SS18: variants seen among roughly 807,000 people sequenced by gnomAD.
SS18 encodes SS18 subunit of BAF chromatin remodeling complex, also known as protein SSXT.
In SS18, 28 loss-of-function variants were observed where a neutral mutation model predicts 72.5. The observed-to-expected ratio is 0.39, with a 90% confidence interval of 0.29 to 0.53. The LOEUF is 0.53. SS18 is among the 20% of genes least tolerant of loss of function. SS18 has a pLI of 0.76. For synonymous variants in SS18, 172 were observed against 164.2 expected, an observed-to-expected ratio of 1.05 and a Z score of -0.37; for missense variants, 518 against 535.3, an observed-to-expected ratio of 0.97 and a Z score of 0.32.
intron 4 of SS18, among the ~76,000 whole-genome samples, chr18:26,055,221 CT>C (rs2053995284): frequency 2.6e-5 from 4 of 151,900 alleles, no homozygotes; most frequent in Admixed American, 2.6e-4. Context: ...AATCCCAGCA[CT>C]TTGGGAGGCT....
At chr18:26,063,215 TGGAATTAAATTAGAAATCAGTAGGCC>T (rs1321454191) in intron 3 of SS18, among the ~76,000 whole-genome samples, 3 of 152,016 alleles carry the variant, frequency 2.0e-5, no homozygotes, top group African/African-American at 7.3e-5. Flanking sequence ...CCGGGCACAG[TGGAATTAAATTAGAAATCAGTAGGCC>T]GGGTGCGGTG....
intron 5 of SS18, among the ~76,000 whole-genome samples, chr18:26,050,428 T>C (rs1171126224): frequency 6.6e-6 from 1 of 152,062 alleles, no homozygotes; most frequent in African/African-American, 2.4e-5. Flanking sequence ...GAAAATGTTT[T>C]ATAATGAAAT....
At chr18:26,019,481 CCATA>C (rs2053306315) in intron 10 of SS18, among the ~76,000 whole-genome samples, 1 of 151,916 alleles carries the variant, frequency 6.6e-6, no homozygotes, top group South Asian at 2.1e-4. Flanking sequence ...TTGAATGTCA[CCATA>C]TATATGATGG....
chr18:26,062,003 G>A (rs893660458), intron 3 of SS18, among the ~76,000 whole-genome samples: 6 of 152,198 alleles, frequency 3.9e-5, no homozygotes, highest in Non-Finnish European at 8.8e-5. Context: ...GGTCATGCCT[G>A]TAATCCTAGC....
chr18:26,060,356 G>C (rs2054097313), intron 3 of SS18, among the ~76,000 whole-genome samples: 1 of 152,182 alleles, frequency 6.6e-6, no homozygotes, highest in Non-Finnish European at 1.5e-5. Flanking sequence ...AATTCAGAGA[G>C]ACAGAAAGTA....
chr18:26,055,023 G>C (rs919200445), intron 4 of SS18, among the ~76,000 whole-genome samples: 1 of 152,018 alleles, frequency 6.6e-6, no homozygotes, highest in Non-Finnish European at 1.5e-5. Context: ...ACAGGCTTGA[G>C]CCACCATGCC....
chr18:26,038,204 T>C (rs943803006), intron 7 of SS18, among the ~76,000 whole-genome samples: 3 of 152,168 alleles, frequency 2.0e-5, no homozygotes, highest in Admixed American at 1.3e-4. Context: ...GTGAACTTTA[T>C]GGCAGGTGAA....
At chr18:26,074,754 A>G (rs1456444279) in intron 3 of SS18, among the ~76,000 whole-genome samples, 2 of 151,958 alleles carry the variant, frequency 1.3e-5, no homozygotes, top group Non-Finnish European at 2.9e-5. Flanking sequence ...CAGGGTTCTG[A>G]GACCAAAAGG....
At chr18:26,028,385 A>C (rs527619052) in intron 10 of SS18, among the ~76,000 whole-genome samples, 1 of 152,242 alleles carries the variant, frequency 6.6e-6, no homozygotes, top group African/African-American at 2.4e-5. Flanking sequence ...ACAATGGTAC[A>C]ACTACTTCGG....
At chr18:26,066,731 A>AT (rs958261231) in intron 3 of SS18, among the ~76,000 whole-genome samples, 1 of 151,968 alleles carries the variant, frequency 6.6e-6, no homozygotes, top group East Asian at 1.9e-4. Context: ...AGTAAACATG[A>AT]TTTTTTTTCC....
chr18:26,068,436 A>G (rs1418423032), intron 3 of SS18: 1 of 152,212 alleles, frequency 6.6e-6, no homozygotes, highest in Non-Finnish European at 1.5e-5. Context: ...TTGGTGTTCT[A>G]ACCATAACAA....
intron 5 of SS18, among the ~76,000 whole-genome samples, chr18:26,047,259 CAAAAAAAAAAA>C (rs71169806): frequency 7.9e-5 from 6 of 75,744 alleles, no homozygotes; most frequent in African/African-American, 1.7e-4. Flanking sequence ...AGTAATATGC[CAAAAAAAAAAA>C]AAAAAAAAAA....
At chr18:26,031,131 T>C (rs1163225739) in intron 10 of SS18, among the ~76,000 whole-genome samples, 1 of 152,264 alleles carries the variant, frequency 6.6e-6, no homozygotes, top group South Asian at 2.1e-4. Flanking sequence ...AAATTTTATC[T>C]GCTCAGGAAT....
intron 2 of SS18, 64 bp from the exon 3 acceptor site, chr18:26,078,224 A>C: frequency 1.8e-6 from 2 of 1,135,444 alleles, no homozygotes; most frequent in Non-Finnish European, 2.6e-6. Flanking sequence ...CTAAGTACAA[A>C]CAGCACTATA....
At chr18:26,081,004 A>G (rs2054509114) in intron 2 of SS18, among the ~76,000 whole-genome samples, 1 of 144,368 alleles carries the variant, frequency 6.9e-6, no homozygotes, top group South Asian at 2.1e-4. Flanking sequence ...CCTCCAAATC[A>G]TTTTCCCTCG....
At position 26,057,738 on chromosome 18, in the gene SS18, G is replaced by A. The variant is rs553873019; in HGVS notation, c.236C>T (p.Pro79Leu). 1.9e-6 allele frequency: 3 copies of A among 1,599,724 alleles called. No homozygotes were observed. The highest frequency in any genetic ancestry group is 1.1e-5 in the South Asian group (1 of 89,776). ...QNMQSLLPAP[P>L]TQNMPMGPGG... is the part of the protein sequence containing the mutation. ...AGGACCCATAGGCATATTCTGTGTG[G>A]GTGGCTGAAAGAAGACAGTTTAGTA... The change falls in exon 4 of 11, where the codon CCC (proline) becomes CTC (leucine). Residue 79 changes from proline (P) to leucine (L), a missense_variant. Transcript: ENST00000415083.
At chr18:26,072,458 T>C (rs2054328535) in intron 3 of SS18, among the ~76,000 whole-genome samples, 1 of 152,114 alleles carries the variant, frequency 6.6e-6, no homozygotes, top group African/African-American at 2.4e-5. Context: ...GAAAGCTTAT[T>C]TAGCTATGCT....
intron 10 of SS18, among the ~76,000 whole-genome samples, chr18:26,027,896 G>A (rs547717954): frequency 5.3e-5 from 8 of 151,846 alleles, no homozygotes; most frequent in Non-Finnish European, 1.2e-4. Flanking sequence ...CCTTCAGTTA[G>A]GTAAAGATTT....
In SS18 at chr18:26,032,416, G is replaced by T; in HGVS notation, c.1213C>A (p.Pro405Thr). 1.2e-6 allele frequency: 2 copies of T among 1,613,830 alleles called. No homozygotes were observed. The highest frequency in any genetic ancestry group is 1.3e-5 in the African/African-American group (1 of 75,022). Residue 405 changes from proline (P) to threonine (T), a missense_variant, in exon 10 of 11, where the codon CCT becomes ACT. Physicochemically the swap from Pro to Thr is conservative, Grantham distance 38. Transcript: ENST00000415083. ...PGPPQPPQQR[P>T]YGYDQGQYGN... ...CTACTTACCTGGTCATATCCATAAG[G>T]CCTCTGCTGGGGTGGCTGTGGTGGT...
Sources: gnomAD v4.1 joint callset for allele counts (sites outside exome capture counted in the v4.1 genomes callset) on GRCh38, gnomAD v4.1.1 for gene constraint, MANE v1.5 for transcripts, NCBI Gene and HGNC (gene_info 2026-07-23, HGNC 2026-07-21) for gene names.